The following ZC3H12B variants were observed in gnomAD, a reference collection of about 807,000 sequenced individuals.
The protein encoded by ZC3H12B is probable ribonuclease ZC3H12B.
Under a neutral mutation model 43.9 loss-of-function variants are expected in ZC3H12B, and 7 were observed. The observed-to-expected ratio is 0.16, with a 90% CI of 0.09 to 0.30. The LOEUF is 0.30. Ranked by LOEUF, ZC3H12B falls within the 10% of genes least tolerant of loss-of-function variation. The pLI, the probability that ZC3H12B is intolerant of heterozygous loss-of-function variation, is 1.00. For synonymous variants in ZC3H12B, 222 were observed against 241.7 expected, an observed-to-expected ratio of 0.92 and a Z score of 0.76; for missense variants, 475 against 670.2, an observed-to-expected ratio of 0.71 and a Z score of 3.22.
At chrX:65,219,807 C>T in the ZC3H12B span, among the ~76,000 whole-genome samples, 1 of 89,155 alleles carries the variant, frequency 1.1e-5, no homozygotes, top group Non-Finnish European at 2.2e-5. Context: ...CATACACACA[C>T]ATACACACAC....
the ZC3H12B span, among the ~76,000 whole-genome samples, chrX:65,302,282 C>T: frequency 1.8e-5 from 2 of 109,475 alleles, no homozygotes; most frequent in Non-Finnish European, 3.8e-5. Flanking sequence ...TTGAGTTGAC[C>T]AAAAAAACTT....
the ZC3H12B span, among the ~76,000 whole-genome samples, chrX:65,216,163 A>G: frequency 2.7e-5 from 3 of 111,949 alleles, no homozygotes; most frequent in African/African-American, 9.7e-5. Context: ...ATATGAACCC[A>G]AAGCCAGACA....
the ZC3H12B span, among the ~76,000 whole-genome samples, chrX:65,148,605 C>G: frequency 9.0e-6 from 1 of 111,010 alleles, no homozygotes; most frequent in African/African-American, 3.3e-5. Flanking sequence ...TTCTGGGGTC[C>G]ACGGCGAAGT....
the ZC3H12B span, among the ~76,000 whole-genome samples, chrX:65,343,374 A>C: frequency 2.7e-5 from 3 of 111,814 alleles, no homozygotes; most frequent in African/African-American, 9.7e-5. Flanking sequence ...ATACAGCAAC[A>C]ACAATAAAAA....
the ZC3H12B span, among the ~76,000 whole-genome samples, chrX:65,068,550 T>C: frequency 8.9e-6 from 1 of 112,169 alleles, no homozygotes; most frequent in Non-Finnish European, 1.9e-5. Flanking sequence ...TTATGCTGCT[T>C]CTATTGATAT....
At chrX:65,311,586 T>C in the ZC3H12B span, among the ~76,000 whole-genome samples, 71 of 111,962 alleles carry the variant, frequency 6.3e-4, no homozygotes, top group African/African-American at 2.1e-3. Context: ...GACAATGTGG[T>C]GATTCCTCAA....
At chrX:65,207,275 T>C in the ZC3H12B span, among the ~76,000 whole-genome samples, 12 of 103,479 alleles carry the variant, frequency 1.2e-4, no homozygotes, top group East Asian at 6.1e-4. Flanking sequence ...CACACACACA[T>C]ACACACACCG....
At chrX:65,212,040 GTATAATA>G in the ZC3H12B span, among the ~76,000 whole-genome samples, 1 of 59,754 alleles carries the variant, frequency 1.7e-5, no homozygotes, top group African/African-American at 7.1e-5. Context: ...TATGTATAAT[GTATAATA>G]TATAATATAT....
intron 3 of ZC3H12B, among the ~76,000 whole-genome samples, chrX:65,478,087 C>T (rs956386294): frequency 4.5e-5 from 5 of 111,777 alleles, no homozygotes; most frequent in African/African-American, 1.6e-4. Flanking sequence ...GATAAGACAT[C>T]TTACATTCCT....
chrX:65,169,921 G>A, the ZC3H12B span, among the ~76,000 whole-genome samples: 1 of 111,552 alleles, frequency 9.0e-6, no homozygotes, highest in South Asian at 3.7e-4. Context: ...TTGAGCCTAT[G>A]TGTGTCTCTG....
the ZC3H12B span, among the ~76,000 whole-genome samples, chrX:65,170,044 A>G: frequency 8.9e-6 from 1 of 111,801 alleles, no homozygotes; most frequent in East Asian, 2.8e-4. Flanking sequence ...TGTAAGGTTA[A>G]TATTGTTATG....
chrX:65,168,606 G>T, the ZC3H12B span, among the ~76,000 whole-genome samples: 1 of 111,243 alleles, frequency 9.0e-6, no homozygotes, highest in East Asian at 2.8e-4. Context: ...AACAGTTTCA[G>T]AAGGAATGGT....
chrX:65,095,322 G>A, the ZC3H12B span, among the ~76,000 whole-genome samples: 1 of 111,579 alleles, frequency 9.0e-6, no homozygotes, highest in Non-Finnish European at 1.9e-5. Flanking sequence ...TTTATGGTCT[G>A]GCATGTAAAG....
At chrX:65,279,146 A>C in the ZC3H12B span, among the ~76,000 whole-genome samples, 1 of 110,842 alleles carries the variant, frequency 9.0e-6, no homozygotes, top group Non-Finnish European at 1.9e-5. Context: ...ATCTGCATAT[A>C]TACTCAGTAA....
intron 1 of ZC3H12B, among the ~76,000 whole-genome samples, chrX:65,495,358 A>T (rs2068263859): frequency 8.9e-6 from 1 of 111,864 alleles, no homozygotes; most frequent in African/African-American, 3.3e-5. Flanking sequence ...CAGTACAAGA[A>T]TTGATGAGGC....
At chrX:65,461,488 G>A (rs1196906353) in intron 3 of ZC3H12B, among the ~76,000 whole-genome samples, 2 of 112,330 alleles carry the variant, frequency 1.8e-5, no homozygotes, top group African/African-American at 3.2e-5. Context: ...TTAAGCAAAC[G>A]TGGCACATAT....
At chrX:65,382,957 T>C (rs1310729134) in intron 2 of ZC3H12B, among the ~76,000 whole-genome samples, 2 of 110,313 alleles carry the variant, frequency 1.8e-5, no homozygotes, top group Non-Finnish European at 3.8e-5. Flanking sequence ...TAAAAGAGGA[T>C]ACAAACAAAT....
chrX:65,144,752 T>A, the ZC3H12B span, among the ~76,000 whole-genome samples: 1 of 111,527 alleles, frequency 9.0e-6, no homozygotes, highest in Non-Finnish European at 1.9e-5. Context: ...CAGGAGCAGG[T>A]TATTTAATTT....
At chrX:65,484,976 G>A (rs909679123), upstream of ZC3H12B, among the ~76,000 whole-genome samples, 2 of 111,612 alleles carry the variant, frequency 1.8e-5, no homozygotes, top group African/African-American at 6.5e-5. Context: ...ATTCCTCTTC[G>A]AGGTCACTTT....
Sources: allele counts gnomAD v4.1 joint callset (sites outside exome capture counted in the v4.1 genomes callset), GRCh38; gene constraint gnomAD v4.1.1; transcripts MANE v1.5; gene names NCBI Gene and HGNC (gene_info 2026-07-23, HGNC 2026-07-21).